SAMD8: variants seen among roughly 807,000 people sequenced by gnomAD.
SAMD8 encodes sterile alpha motif domain containing 8, also known as sphingomyelin synthase-related protein 1.
SAMD8 carries 20 observed loss-of-function variants against 42.0 expected under a neutral mutation model. That is an observed-to-expected ratio of 0.48 (90% confidence interval 0.34 to 0.69). The LOEUF is 0.69. Among genes scored for constraint, SAMD8 ranks in the 30% least tolerant of loss-of-function variants. The pLI is 0.01. For missense variants in SAMD8, 328 were observed against 511.6 expected, an observed-to-expected ratio of 0.64 and a Z score of 3.46; for synonymous variants, 162 against 173.0, an observed-to-expected ratio of 0.94 and a Z score of 0.50.
exon 1 of SAMD8, chr10:75,099,648 T>C (rs1848012319): frequency 2.5e-6 from 2 of 809,988 alleles, no homozygotes; most frequent in East Asian, 7.0e-5. Context: ...CCCCCAGGCC[T>C]CCTCTCTGCT....
At chr10:75,102,844 C>G (rs1440066852) in intron 1 of SAMD8, among the ~76,000 whole-genome samples, 1 of 152,078 alleles carries the variant, frequency 6.6e-6, no homozygotes, top group Non-Finnish European at 1.5e-5. Flanking sequence ...CCCAGCTACT[C>G]GGGAGCCTGA....
chr10:75,158,599 A>T (rs1169214846), intron 2 of SAMD8, among the ~76,000 whole-genome samples: 2 of 152,164 alleles, frequency 1.3e-5, no homozygotes, highest in Non-Finnish European at 2.9e-5. Context: ...CAAAAAAAAA[A>T]TAATAATAAA....
intron 1 of SAMD8, chr10:75,105,672 G>A: frequency 6.5e-7 from 1 of 1,548,812 alleles, no homozygotes; most frequent in East Asian, 2.4e-5. Flanking sequence ...TGGCCCCTCA[G>A]CTCTGGCCGG....
At chr10:75,170,321 C>T (rs759631537) in intron 4 of SAMD8, among the ~76,000 whole-genome samples, 2 of 152,244 alleles carry the variant, frequency 1.3e-5, no homozygotes, top group East Asian at 1.9e-4. Context: ...ACAGCATTCA[C>T]GTTCACTTCT....
intron 1 of SAMD8, among the ~76,000 whole-genome samples, chr10:75,140,948 A>G (rs1839996526): frequency 6.6e-6 from 1 of 152,146 alleles, no homozygotes; most frequent in Admixed American, 6.6e-5. Flanking sequence ...GGTCTTGCCC[A>G]TGTTTTGTCA....
intron 1 of SAMD8, among the ~76,000 whole-genome samples, chr10:75,142,761 C>T (rs1289446223): frequency 6.6e-6 from 1 of 151,050 alleles, no homozygotes. Context: ...AACTTAAGGC[C>T]GGGTGCAGTG....
At position 75,180,004 on chromosome 10, in the gene SAMD8, C is replaced by G. The variant is rs1412010155; in HGVS notation, c.*3312C>G. Reference sequence around the variant, plus strand: ...TTCTGTGTTCCTGGCAGCAGTGTTGCCTTTTTTTTTCTTTTCCTTTTTTTT... The same window carrying G: ...TTCTGTGTTCCTGGCAGCAGTGTTGGCTTTTTTTTTCTTTTCCTTTTTTTT... On this transcript the variant is annotated 3_prime_UTR_variant, in exon 6 of 6. Transcript: ENST00000542569. 3 of 150,918 alleles carry G rather than the reference C, an allele frequency of 2.0e-5. No homozygotes were observed. Among genetic ancestry groups the G allele is most frequent in the African/African-American group, 7.3e-5 (3 of 41,050 alleles). 9.3% of individuals were successfully genotyped at this position (150,918 alleles called of 1,614,324 possible). A position where few individuals can be genotyped will look rare whatever the true frequency, so the allele number is the denominator to read the frequency against.
At chr10:75,108,088 G>A (rs569186652), upstream of SAMD8, 96 of 1,613,886 alleles carry the variant, frequency 5.9e-5, no homozygotes, top group African/African-American at 9.5e-4. Context: ...GGCACCCCCA[G>A]GTAGCTCACA....
intron 2 of SAMD8, among the ~76,000 whole-genome samples, chr10:75,160,266 G>C (rs529688726): frequency 6.6e-6 from 1 of 151,814 alleles, no homozygotes; most frequent in South Asian, 2.1e-4. Flanking sequence ...GCGCGATCTC[G>C]GCTCACTGCA....
intron 2 of SAMD8, among the ~76,000 whole-genome samples, chr10:75,159,772 A>G (rs1840514045): frequency 6.6e-6 from 1 of 152,188 alleles, no homozygotes; most frequent in East Asian, 1.9e-4. Flanking sequence ...AGTTCTCCAC[A>G]GGGCTTTGCT....
At chr10:75,144,262 C>T (rs1046674833) in intron 1 of SAMD8, among the ~76,000 whole-genome samples, 1 of 152,230 alleles carries the variant, frequency 6.6e-6, no homozygotes, top group African/African-American at 2.4e-5. Flanking sequence ...CCACTGCTCC[C>T]GGCTGAAATG....
upstream of SAMD8, chr10:75,108,067 G>C (rs773163804): frequency 6.2e-7 from 1 of 1,613,940 alleles, no homozygotes; most frequent in African/African-American, 1.3e-5. Flanking sequence ...AAATCAGGGA[G>C]GTCGTGGGCT....
intron 4 of SAMD8, among the ~76,000 whole-genome samples, chr10:75,174,727 C>T (rs967752995): frequency 6.6e-6 from 1 of 151,986 alleles, no homozygotes; most frequent in Non-Finnish European, 1.5e-5. Context: ...GCCACCGCAC[C>T]CTGCAGTATG....
chr10:75,168,952 C>T (rs1840761984), intron 4 of SAMD8, among the ~76,000 whole-genome samples: 2 of 150,916 alleles, frequency 1.3e-5, no homozygotes, highest in South Asian at 4.2e-4. Context: ...GCGGGCGGAT[C>T]ATGAGGTCAG....
chr10:75,102,514 A>C (rs1465131065), intron 1 of SAMD8, among the ~76,000 whole-genome samples: 1 of 152,236 alleles, frequency 6.6e-6, no homozygotes, highest in Non-Finnish European at 1.5e-5. Context: ...AAACCATTTT[A>C]AAAGGTCCCT....
Position 75,168,598 on chromosome 10 carries a change from C to T in SAMD8, c.732C>T (p.Cys244=), listed in dbSNP as rs766187309. ...SLMGTVFLLR[C]FTMFVTSLSV... is the part of the protein sequence containing the mutation. ...TGGGAACTGTATTCTTGCTTCGCTGCTTTACCATGTTTGTGACCTCCCTCT... is the reference window on the plus strand; with the variant it reads ...TGGGAACTGTATTCTTGCTTCGCTGTTTTACCATGTTTGTGACCTCCCTCT... Residue 244 remains cysteine, a synonymous_variant, in exon 4 of 6, where the codon TGC becomes TGT. Transcript: ENST00000542569. The T allele has an allele frequency of 1.9e-6, 3 of 1,613,984 alleles. No homozygotes were observed. Among genetic ancestry groups the T allele is most frequent in the Non-Finnish European group, 2.5e-6 (3 of 1,179,904 alleles).
At chr10:75,118,696 TTTTG>T (rs1270308681) in intron 1 of SAMD8, among the ~76,000 whole-genome samples, 1 of 152,166 alleles carries the variant, frequency 6.6e-6, no homozygotes, top group Non-Finnish European at 1.5e-5. Flanking sequence ...AAAGAGTAGT[TTTTG>T]TTTGCTGAAT....
intron 1 of SAMD8, among the ~76,000 whole-genome samples, chr10:75,101,340 G>A (rs900248309): frequency 2.6e-5 from 4 of 152,152 alleles, no homozygotes; most frequent in African/African-American, 7.2e-5. Context: ...TAAATGGCAC[G>A]TCTTACTATT....
At chr10:75,133,566 T>C (rs1343680273) in intron 1 of SAMD8, among the ~76,000 whole-genome samples, 1 of 152,202 alleles carries the variant, frequency 6.6e-6, no homozygotes, top group East Asian at 1.9e-4. Context: ...AGTGTCCGTC[T>C]ACAGATAAAT....
Sources: allele counts gnomAD v4.1 joint callset (sites outside exome capture counted in the v4.1 genomes callset), GRCh38; gene constraint gnomAD v4.1.1; transcripts MANE v1.5; gene names NCBI Gene and HGNC (gene_info 2026-07-23, HGNC 2026-07-21).